The following DCAF7 variants were observed in gnomAD, a reference collection of about 807,000 sequenced individuals.
DCAF7 encodes DDB1- and CUL4-associated factor 7.
In DCAF7, 4 loss-of-function variants were observed where a neutral mutation model predicts 41.2. The observed-to-expected ratio is 0.10, with a 90% confidence interval of 0.05 to 0.22. The LOEUF is 0.22. Ranked by LOEUF, DCAF7 falls within the 10% of genes least tolerant of loss-of-function variation. The pLI is 1.00. For synonymous variants in DCAF7, 143 were observed against 164.2 expected (o/e 0.87, Z 0.99); for missense variants, 131 against 443.2 (o/e 0.30, Z 6.32).
rs1299321543 is a variant in DCAF7 at position 63,591,763 on chromosome 17, C to A, written c.*2591C>A. The A allele has an allele frequency of 6.6e-6, 1 of 152,288 alleles. No individual in the cohort carries two copies. Among genetic ancestry groups the A allele is most frequent in the South Asian group, 2.1e-4 (1 of 4,836 alleles). The allele number at this position is 152,288 out of a possible 1,614,324, so 9.4% of individuals were successfully genotyped here. ...GTTCTCAAACTGACAGCCAGCGAGA[C>A]TGGGTGGGAGGCCCTGGATCTGTTC... is the stretch of plus-strand genomic sequence containing the variant. On this transcript the variant is annotated 3_prime_UTR_variant, in exon 7 of 7. Transcript: ENST00000614556.
chr17:63,588,854 G>A (rs976564801), intron 6 of DCAF7, 146 bp from the exon 7 acceptor site: 10 of 897,342 alleles, frequency 1.1e-5, no homozygotes, highest in East Asian at 8.1e-5. Context: ...TCTGAATCTC[G>A]ATTTCCTCAT....
chr17:63,580,849 T>A (rs2033615474), intron 4 of DCAF7, among the ~76,000 whole-genome samples: 1 of 152,158 alleles, frequency 6.6e-6, no homozygotes, highest in Non-Finnish European at 1.5e-5. Context: ...AGCATTCTTC[T>A]CAGTGATTTT....
rs753175361 is a variant in DCAF7, at chr17:63,589,183, G to A, written c.*11G>A. The A allele has an allele frequency of 4.3e-6, 7 of 1,611,188 alleles. No individual in the cohort carries two copies. The highest frequency in any genetic ancestry group is 3.3e-5 in the Admixed American group (2 of 59,862). ...ATACTCAGAGTGTAGTGTTGGTGGC[G>A]CTGTGCCCACGAGGCAGGGGCTTTT... On this transcript the variant is annotated 3_prime_UTR_variant, in exon 7 of 7. Coordinates refer to ENST00000614556, the MANE Select transcript of DCAF7 (RefSeq NM_005828.5).
chr17:63,584,618 C>T (rs559176595), intron 5 of DCAF7, among the ~76,000 whole-genome samples: 6 of 151,360 alleles, frequency 4.0e-5, no homozygotes, highest in Non-Finnish European at 5.9e-5. Flanking sequence ...AAAAATTAGC[C>T]GGGCGTGGTG....
intron 1 of DCAF7, among the ~76,000 whole-genome samples, chr17:63,563,185 A>G (rs2033402875): frequency 6.6e-6 from 1 of 152,258 alleles, no homozygotes; most frequent in Admixed American, 6.5e-5. Context: ...TGCAATAGAA[A>G]AATGGACAAA....
chr17:63,563,188 T>C (rs2147763630), intron 1 of DCAF7, among the ~76,000 whole-genome samples: 1 of 152,012 alleles, frequency 6.6e-6, no homozygotes, highest in East Asian at 1.9e-4. Flanking sequence ...AATAGAAAAA[T>C]GGACAAAGGG....
chr17:63,554,632 A>G (rs1388051528), intron 1 of DCAF7, among the ~76,000 whole-genome samples: 6 of 152,264 alleles, frequency 3.9e-5, no homozygotes, highest in African/African-American at 1.4e-4. Context: ...TCTCAGTTTC[A>G]TCATCTGTAA....
At chr17:63,559,492 A>G (rs908912851) in intron 1 of DCAF7, among the ~76,000 whole-genome samples, 1 of 147,960 alleles carries the variant, frequency 6.8e-6, no homozygotes, top group African/African-American at 2.5e-5. Context: ...AGAAAAAAAA[A>G]TTGGATCTCT....
intron 1 of DCAF7, among the ~76,000 whole-genome samples, chr17:63,567,670 TC>T (rs936507499): frequency 2.6e-5 from 4 of 152,166 alleles, no homozygotes; most frequent in South Asian, 4.1e-4. Context: ...TTCTTTTTTT[TC>T]CCCCCTAAGA....
At chr17:63,551,092 C>T (rs2033247361) in intron 1 of DCAF7, among the ~76,000 whole-genome samples, 1 of 152,206 alleles carries the variant, frequency 6.6e-6, no homozygotes, top group Non-Finnish European at 1.5e-5. Context: ...GGAAACAGGT[C>T]TTAAAACCGG....
rs372787770 is a variant in DCAF7 at position 63,583,533 on chromosome 17, GT to G, written c.561del (p.Gly188AlafsTer22). The G allele has an allele frequency of 6.2e-7, 1 of 1,613,988 alleles. No homozygotes were observed. Among genetic ancestry groups the G allele is most frequent in the Non-Finnish European group, 8.5e-7 (1 of 1,179,878 alleles). On this transcript the variant is annotated frameshift_variant, in exon 5 of 7. Coordinates refer to ENST00000614556, the MANE Select transcript of DCAF7 (RefSeq NM_005828.5). LOFTEE classifies it high-confidence loss of function. Reference sequence around the variant, plus strand: ...GATATTGCATTTAGCCGGGCCGGGGGTGGCAGGGACATGTTTGCCTCTGTGG... The same window carrying G: ...GATATTGCATTTAGCCGGGCCGGGGGGGCAGGGACATGTTTGCCTCTGTGG... ...VYDIAFSRAG[G>X]GRDMFASVGA...
At chr17:63,579,199 G>C (rs936370637) in intron 2 of DCAF7, 138 bp from the exon 3 acceptor site, 67 of 616,456 alleles carry the variant, frequency 1.1e-4, no homozygotes, top group Non-Finnish European at 1.6e-4. Flanking sequence ...GGAGTCCTGG[G>C]TTTATTACTG....
At chr17:63,575,421 C>T (rs762110835) in intron 1 of DCAF7, among the ~76,000 whole-genome samples, 7 of 152,152 alleles carry the variant, frequency 4.6e-5, no homozygotes, top group Admixed American at 3.3e-4. Context: ...TTAAGGCAGC[C>T]GGGCGTAGTG....
intron 1 of DCAF7, among the ~76,000 whole-genome samples, chr17:63,560,324 T>A (rs1303855001): frequency 6.7e-6 from 1 of 149,944 alleles, no homozygotes; most frequent in Non-Finnish European, 1.5e-5. Flanking sequence ...GCTATACTCA[T>A]GTGGTTGAAA....
chr17:63,559,421 GTATATATATATGTGTGTGTATATA>G (rs2033354535), intron 1 of DCAF7, among the ~76,000 whole-genome samples: 1 of 64,744 alleles, frequency 1.5e-5, no homozygotes, highest in South Asian at 3.7e-4. Context: ...ATATATATAC[GTATATATATATGTGTGTGTATATA>G]TATATATATA....
chr17:63,579,997 C>T, intron 4 of DCAF7, 54 bp downstream of exon 4: 9 of 1,354,576 alleles, frequency 6.6e-6, no homozygotes, highest in Non-Finnish European at 9.4e-6. Context: ...GCCTTCCGCA[C>T]AGGAAGAGGT....
Position 63,589,086 on chromosome 17 carries a change from G to A in DCAF7, c.943G>A (p.Glu315Lys). ...TATCCTGGCCTACACAGCTGAAGGA[G>A]AGATCAACAATGTGCAGTGGGCATC... ...DPILAYTAEG[E>K]INNVQWASTQ... is the part of the protein sequence containing the mutation. Residue 315 changes from glutamate to lysine, a missense_variant, in exon 7 of 7, where the codon GAG becomes AAG. Physicochemically the swap from Glu to Lys is moderately conservative, Grantham distance 56. Coordinates refer to ENST00000614556, the MANE Select transcript of DCAF7 (RefSeq NM_005828.5). 1 of 1,614,004 alleles carries A rather than the reference G, an allele frequency of 6.2e-7. No homozygotes were observed. Among genetic ancestry groups the A allele is most frequent in the Non-Finnish European group, 8.5e-7 (1 of 1,179,898 alleles).
chr17:63,565,745 G>T (rs745682862), intron 1 of DCAF7, among the ~76,000 whole-genome samples: 1 of 152,284 alleles, frequency 6.6e-6, no homozygotes, highest in African/African-American at 2.4e-5. Context: ...CTTGGTCCAT[G>T]TAAGTGCTCA....
chr17:63,586,470 AAAAAG>A (rs991440441), intron 6 of DCAF7, among the ~76,000 whole-genome samples: 15 of 152,106 alleles, frequency 9.9e-5, no homozygotes, highest in African/African-American at 3.4e-4. Flanking sequence ...TAAATTTTAA[AAAAAG>A]AAAAGAAAGG....
Sources: allele counts gnomAD v4.1 joint callset (sites outside exome capture counted in the v4.1 genomes callset), GRCh38; gene constraint gnomAD v4.1.1; transcripts MANE v1.5; gene names NCBI Gene and HGNC (gene_info 2026-07-23, HGNC 2026-07-21).